The following DLG2 variants were observed in gnomAD, a reference collection of about 807,000 sequenced individuals.
DLG2 encodes the protein discs large MAGUK scaffold protein 2.
In DLG2, 45 loss-of-function variants were observed where a neutral mutation model predicts 132.5. The ratio of observed to expected loss-of-function variants is 0.34; its 90% CI spans 0.27 to 0.44. DLG2 has a LOEUF of 0.44. DLG2 is among the 20% of genes least tolerant of loss of function. DLG2 has a pLI of 1.00. For synonymous variants in DLG2, 424 were observed against 419.6 expected (o/e 1.01, Z -0.13); for missense variants, 1,045 against 1,196.9 (o/e 0.87, Z 1.87).
intron 11 of DLG2, among the ~76,000 whole-genome samples, chr11:83,983,986 A>C (rs2093024553): frequency 6.6e-6 from 1 of 152,094 alleles, no homozygotes; most frequent in Non-Finnish European, 1.5e-5. Context: ...TGAAAAGAGA[A>C]GGCTAAAACA....
intron 6 of DLG2, among the ~76,000 whole-genome samples, chr11:84,957,530 CT>C (rs1262742689): frequency 6.6e-6 from 1 of 152,192 alleles, no homozygotes; most frequent in Non-Finnish European, 1.5e-5. Context: ...GAGGCCAGTT[CT>C]TTTGAGGCCT....
At chr11:83,550,499 A>C (rs6592125) in intron 19 of DLG2, among the ~76,000 whole-genome samples, 51,364 of 152,042 alleles carry the variant, frequency 0.34, 9,252 homozygotes, top group Admixed American at 0.48. Flanking sequence ...CTGAGCTCCA[A>C]TGTTGACTCA....
intron 3 of DLG2, among the ~76,000 whole-genome samples, chr11:85,512,734 C>G (rs2094102549): frequency 6.6e-6 from 1 of 152,078 alleles, no homozygotes; most frequent in Non-Finnish European, 1.5e-5. Flanking sequence ...TGCTTATACA[C>G]TATTGGTGGG....
At chr11:83,499,061 T>C (rs559554738) in intron 21 of DLG2, among the ~76,000 whole-genome samples, 2 of 152,266 alleles carry the variant, frequency 1.3e-5, no homozygotes, top group African/African-American at 4.8e-5. Context: ...GAATCAGTGA[T>C]TTAAAAAATT....
At chr11:84,481,576 A>AT (rs1442147316) in intron 7 of DLG2, among the ~76,000 whole-genome samples, 1 of 152,128 alleles carries the variant, frequency 6.6e-6, no homozygotes, top group Non-Finnish European at 1.5e-5. Context: ...AGTCAACATC[A>AT]TTTTTACCCA....
chr11:83,521,963 C>T (rs2095491073), intron 21 of DLG2, among the ~76,000 whole-genome samples: 1 of 152,096 alleles, frequency 6.6e-6, no homozygotes, highest in Non-Finnish European at 1.5e-5. Flanking sequence ...GAAGGGCTCC[C>T]CAGTACCCAA....
chr11:84,278,016 C>G (rs2097800654), intron 7 of DLG2, among the ~76,000 whole-genome samples: 1 of 149,938 alleles, frequency 6.7e-6, no homozygotes, highest in Non-Finnish European at 1.5e-5. Context: ...GCCTCAGCCT[C>G]CTGAGTAGCT....
intron 9 of DLG2, among the ~76,000 whole-genome samples, chr11:84,156,399 A>G (rs1223625510): frequency 6.6e-6 from 1 of 152,222 alleles, no homozygotes; most frequent in African/African-American, 2.4e-5. Flanking sequence ...TAATAGATTT[A>G]TGATGCTTTT....
intron 6 of DLG2, among the ~76,000 whole-genome samples, chr11:84,686,001 T>C (rs2099737868): frequency 6.6e-6 from 1 of 152,222 alleles, no homozygotes; most frequent in African/African-American, 2.4e-5. Flanking sequence ...TTCTGTATTC[T>C]TTAGGCCAGC....
At chr11:84,783,531 G>C (rs1266516099) in intron 6 of DLG2, among the ~76,000 whole-genome samples, 1 of 152,136 alleles carries the variant, frequency 6.6e-6, no homozygotes, top group Non-Finnish European at 1.5e-5. Context: ...AAGTTTGTGA[G>C]AATCATTTCC....
chr11:85,613,635 A>G (rs1487307469), intron 2 of DLG2, among the ~76,000 whole-genome samples: 1 of 152,222 alleles, frequency 6.6e-6, no homozygotes, highest in Non-Finnish European at 1.5e-5. Flanking sequence ...TGCACCAATC[A>G]GCACTTGGTA....
At chr11:84,611,566 T>C (rs2099595686) in intron 6 of DLG2, among the ~76,000 whole-genome samples, 1 of 152,128 alleles carries the variant, frequency 6.6e-6, no homozygotes. Context: ...CCCAAGTGCC[T>C]CTATGCTACT....
At chr11:84,734,092 C>T (rs1369037025) in intron 6 of DLG2, among the ~76,000 whole-genome samples, 5 of 151,988 alleles carry the variant, frequency 3.3e-5, no homozygotes, top group South Asian at 4.1e-4. Flanking sequence ...GCTTTGTTCT[C>T]TTGGCTTAGG....
At chr11:83,657,669 G>C (rs1055557080) in intron 18 of DLG2, among the ~76,000 whole-genome samples, 1 of 150,724 alleles carries the variant, frequency 6.6e-6, no homozygotes, top group African/African-American at 2.4e-5. Flanking sequence ...CTCCCGAGTA[G>C]CTGGGACTAC....
intron 19 of DLG2, chr11:83,632,690 G>A (rs2063775650): frequency 6.6e-6 from 1 of 152,512 alleles, no homozygotes; most frequent in African/African-American, 2.4e-5. Context: ...TCTATGGTCT[G>A]AGAAAAAAAC....
chr11:84,545,578 C>T (rs886398250), intron 6 of DLG2: 14 of 369,884 alleles, frequency 3.8e-5, no homozygotes, highest in African/African-American at 3.0e-4. Context: ...TTGAAGTTTC[C>T]TAACTTCACA....
intron 6 of DLG2, among the ~76,000 whole-genome samples, chr11:84,813,697 T>A (rs1471116773): frequency 6.6e-6 from 1 of 152,060 alleles, no homozygotes; most frequent in Non-Finnish European, 1.5e-5. Flanking sequence ...TTTGGGGATG[T>A]TGTCCTCATT....
chr11:84,013,925 A>C (rs1312217823), intron 11 of DLG2, among the ~76,000 whole-genome samples: 1 of 150,550 alleles, frequency 6.6e-6, no homozygotes, highest in Non-Finnish European at 1.5e-5. Context: ...TCCTTAATTA[A>C]CCAAAACTCA....
Position 85,357,704 on chromosome 11 carries a change from TTATATATATATA to T in DLG2, c.41-72351_41-72340del, listed in dbSNP as rs58283704. ...ACAATACGCCAGGCACTGTTCTGAA[TTATATATATATA>T]TATATATATATATATATATATATAT... On this transcript the variant is annotated intron_variant, in intron 3 of 27. Transcript: ENST00000376104. 1.4e-3 allele frequency among the ~76,000 whole-genome samples: 150 copies of T among 106,232 alleles called. 1 individual carries two copies. Among genetic ancestry groups the T allele is most frequent in the South Asian group, 3.3e-3 (9 of 2,720 alleles). 69.7% of individuals were successfully genotyped at this position (106,232 alleles called of 152,430 possible). A position where few individuals can be genotyped will look rare whatever the true frequency, so the allele number is the denominator to read the frequency against.
Sources: gnomAD v4.1 joint callset for allele counts (sites outside exome capture counted in the v4.1 genomes callset) on GRCh38, gnomAD v4.1.1 for gene constraint, MANE v1.5 for transcripts, NCBI Gene and HGNC (gene_info 2026-07-23, HGNC 2026-07-21) for gene names.